Variants in FHL2 observed in about 807,000 individuals in gnomAD.
FHL2 encodes the protein four and a half LIM domains 2, also known as four and a half LIM domains protein 2.
FHL2 carries 20 observed loss-of-function variants against 32.7 expected under a neutral mutation model. The observed-to-expected ratio is 0.61, with a 90% CI of 0.43 to 0.89. The LOEUF (loss-of-function observed/expected upper bound fraction) is 0.89, where lower values mean the gene tolerates loss of function less well. Among genes scored for constraint, FHL2 ranks in the 40% least tolerant of loss-of-function variants. The pLI is 0.00. For missense variants in FHL2, 311 were observed against 358.6 expected (o/e 0.87, Z 1.07); for synonymous variants, 123 against 128.1 (o/e 0.96, Z 0.27).
chr2:105,400,686 A>AT (rs57296524), upstream of FHL2, among the ~76,000 whole-genome samples: 5,068 of 132,812 alleles, frequency 0.038, 243 homozygotes, highest in African/African-American at 0.11. Flanking sequence ...TTATATTTTA[A>AT]TTTTTTTTTT....
Position 105,413,690 on chromosome 2 carries a change from G to A in FHL2, c.-25+24709C>T, listed in dbSNP as rs1427750934. On this transcript the variant is annotated intron_variant, in intron 1 of 5. Coordinates refer to the FHL2 transcript ENST00000393352. ...AGACAAGGTCTTGCTATGTTGCCCGGGCTAGTCTTGAACTCCTGGCCTCAA... is the reference window on the plus strand; with the variant it reads ...AGACAAGGTCTTGCTATGTTGCCCGAGCTAGTCTTGAACTCCTGGCCTCAA... Among the ~76,000 whole-genome samples, 10 of 152,004 alleles carry A rather than the reference G, an allele frequency of 6.6e-5. No homozygotes were observed. In the East Asian group the frequency reaches 1.9e-3, roughly 29 times the overall value.
intron 2 of FHL2, among the ~76,000 whole-genome samples, chr2:105,391,274 C>G (rs957298627): frequency 6.6e-6 from 1 of 152,114 alleles, no homozygotes; most frequent in African/African-American, 2.4e-5. Context: ...GACTTGTTAT[C>G]TAGTGAGGAA....
intron 1 of FHL2, among the ~76,000 whole-genome samples, chr2:105,431,330 T>C (rs539740865): frequency 6.6e-6 from 1 of 152,282 alleles, no homozygotes; most frequent in East Asian, 1.9e-4. Flanking sequence ...GATAAACATA[T>C]ATGTAGGTGG....
At chr2:105,412,850 G>A (rs922415019) in intron 1 of FHL2, among the ~76,000 whole-genome samples, 6 of 152,168 alleles carry the variant, frequency 3.9e-5, no homozygotes, top group South Asian at 2.1e-4. Flanking sequence ...TGTTGGTGAC[G>A]TCTGAATGTG....
intron 1 of FHL2, among the ~76,000 whole-genome samples, chr2:105,422,769 T>G (rs1229247141): frequency 6.6e-6 from 1 of 152,150 alleles, no homozygotes; most frequent in African/African-American, 2.4e-5. Flanking sequence ...TTTTATCAAT[T>G]GATTACTTGA....
intron 1 of FHL2, among the ~76,000 whole-genome samples, chr2:105,423,696 T>C (rs1007154326): frequency 2.6e-5 from 4 of 152,078 alleles, no homozygotes; most frequent in African/African-American, 9.7e-5. Context: ...CAGTGGAACA[T>C]AACAGAGGCC....
intron 4 of FHL2, among the ~76,000 whole-genome samples, chr2:105,369,378 T>G (rs1042252450): frequency 6.6e-6 from 1 of 152,226 alleles, no homozygotes; most frequent in South Asian, 2.1e-4. Flanking sequence ...ATGAAATGTC[T>G]GTCCTCCAGT....
upstream of FHL2, among the ~76,000 whole-genome samples, chr2:105,400,163 A>G (rs140017609): frequency 3.7e-3 from 570 of 152,280 alleles, 8 homozygotes; most frequent in African/African-American, 0.013. Context: ...ATTTACGGTG[A>G]GGAAAGTTCA....
At chr2:105,379,274 A>G (rs1288226023) in intron 3 of FHL2, among the ~76,000 whole-genome samples, 1 of 152,194 alleles carries the variant, frequency 6.6e-6, no homozygotes, top group Non-Finnish European at 1.5e-5. Context: ...CAATTGCTCA[A>G]TGGATGTTAG....
chr2:105,407,874 A>T (rs1204119695), intron 1 of FHL2, among the ~76,000 whole-genome samples: 1 of 152,212 alleles, frequency 6.6e-6, no homozygotes, highest in Non-Finnish European at 1.5e-5. Context: ...TGAAATCTGC[A>T]TCCTGCAAAC....
intron 1 of FHL2, among the ~76,000 whole-genome samples, chr2:105,409,346 T>A (rs978238123): frequency 5.3e-5 from 8 of 152,158 alleles, no homozygotes; most frequent in African/African-American, 1.9e-4. Context: ...GGAATCATTT[T>A]AGAGGAAGAA....
At chr2:105,408,805 A>G (rs73948404) in intron 1 of FHL2, among the ~76,000 whole-genome samples, 5,893 of 152,238 alleles carry the variant, frequency 0.039, 380 homozygotes, top group African/African-American at 0.13. Context: ...CATTTTTGGT[A>G]TAGGAAGGTG....
At chr2:105,436,908 A>G (rs1398303757) in intron 1 of FHL2, among the ~76,000 whole-genome samples, 3 of 152,188 alleles carry the variant, frequency 2.0e-5, no homozygotes, top group Admixed American at 6.5e-5. Context: ...ATGAATTAGA[A>G]TCAGTCTCTG....
At chr2:105,398,015 A>G (rs1683264431) in intron 1 of FHL2, among the ~76,000 whole-genome samples, 2 of 152,074 alleles carry the variant, frequency 1.3e-5, no homozygotes. Context: ...TGTTTTGAAG[A>G]CAGTTCTCCT....
At chr2:105,405,869 T>A (rs1231393301) in intron 1 of FHL2, among the ~76,000 whole-genome samples, 1 of 152,248 alleles carries the variant, frequency 6.6e-6, no homozygotes, top group Admixed American at 6.5e-5. Flanking sequence ...CTTCTTTACA[T>A]TATCTGTGAA....
intron 1 of FHL2, among the ~76,000 whole-genome samples, chr2:105,436,927 C>A (rs992556847): frequency 1.3e-5 from 2 of 152,136 alleles, no homozygotes; most frequent in Non-Finnish European, 2.9e-5. Context: ...TGGGCCATAT[C>A]TTGTAAATAT....
Position 105,363,711 on chromosome 2 carries a change from C to T in FHL2, c.502-240G>A, listed in dbSNP as rs12622055. ...CTGGAGCTTGGGGTTGCCCTCAGCC[C>T]TTCCCAGGGATGCTGGGGATCTAAG... is the stretch of plus-strand genomic sequence containing the variant. On this transcript the variant is annotated intron_variant, in intron 5 of 6. Coordinates refer to ENST00000530340, the MANE Select transcript of FHL2 (RefSeq NM_001318895.3). Among the ~76,000 whole-genome samples, 21,229 of 152,240 alleles carry T rather than the reference C, an allele frequency of 0.14. 1,834 individuals carry two copies. The highest frequency in any genetic ancestry group is 0.24 in the South Asian group (1,171 of 4,824).
At chr2:105,398,509 C>T (rs1198388490) in intron 1 of FHL2, among the ~76,000 whole-genome samples, 1 of 152,180 alleles carries the variant, frequency 6.6e-6, no homozygotes, top group Non-Finnish European at 1.5e-5. Context: ...CTCCCCGCAG[C>T]CGCCGGCTGG....
chr2:105,386,571 A>G, intron 2 of FHL2, 31 bp from the exon 3 acceptor site: 1 of 1,607,104 alleles, frequency 6.2e-7, no homozygotes, highest in Non-Finnish European at 8.5e-7. Flanking sequence ...TCCAAGTCCC[A>G]TTAAGCACTC....
Sources: allele counts gnomAD v4.1 joint callset (sites outside exome capture counted in the v4.1 genomes callset), GRCh38; gene constraint gnomAD v4.1.1; transcripts MANE v1.5; gene names NCBI Gene and HGNC (gene_info 2026-07-23, HGNC 2026-07-21).